The following DISP1 variants were observed in gnomAD, a reference collection of about 807,000 sequenced individuals.
The protein encoded by DISP1 is dispatched RND transporter family member 1, also known as protein dispatched homolog 1.
DISP1 carries 30 observed loss-of-function variants against 37.3 expected under a neutral mutation model. The observed-to-expected ratio is 0.80, with a 90% CI of 0.60 to 1.09. DISP1 has a LOEUF of 1.09. DISP1 is among the 50% of genes least tolerant of loss of function. The probability of loss-of-function intolerance (pLI) is 0.00; values close to 1 mark genes in which losing one functional copy is unlikely to be tolerated. For missense variants in DISP1, 1,598 were observed against 1,879.5 expected (o/e 0.85, Z 2.77); for synonymous variants, 634 against 690.2 (o/e 0.92, Z 1.28).
At chr1:223,002,265 T>C (rs1345441534) in intron 8 of DISP1, 120 bp from the exon 9 acceptor site, 4 of 967,072 alleles carry the variant, frequency 4.1e-6, no homozygotes, top group Admixed American at 1.7e-5. Flanking sequence ...AAGTGGATAA[T>C]TATTTAGCTT....
chr1:222,917,438 A>T (rs1672557133), intron 1 of DISP1, among the ~76,000 whole-genome samples: 1 of 152,148 alleles, frequency 6.6e-6, no homozygotes, highest in Non-Finnish European at 1.5e-5. Flanking sequence ...GACTGACCAG[A>T]CGAACAAGAA....
rs1197987732 is a variant in DISP1, at chr1:223,003,610, T to G, written c.2213T>G (p.Ile738Arg). 6.2e-7 allele frequency: 1 copy of G among 1,614,220 alleles called. No homozygotes were observed. The highest frequency in any genetic ancestry group is 8.5e-7 in the Non-Finnish European group (1 of 1,180,056). The change falls in exon 9 of 9, where the codon ATA becomes AGA. Residue 738 changes from isoleucine to arginine, a missense_variant. Coordinates refer to ENST00000675850, the MANE Select transcript of DISP1 (RefSeq NM_001377229.1). The surrounding 1 kb of genome is among the most constrained non-coding windows in gnomAD (Gnocchi z 4.3). ...GTAGGTGGGGCCTACATTGTATGTA[T>G]AAATCCAAAGATGAAACTGCCCTCA... ...LTVGGAYIVC[I>R]NPKMKLPSLE...
chr1:222,825,105 G>C (rs1178959531), intron 1 of DISP1, among the ~76,000 whole-genome samples: 4 of 146,044 alleles, frequency 2.7e-5, no homozygotes, highest in Non-Finnish European at 6.0e-5. Flanking sequence ...GTTGCTGCCA[G>C]TTAACAGTTC....
intron 1 of DISP1, among the ~76,000 whole-genome samples, chr1:222,901,632 G>A (rs1344407735): frequency 1.3e-5 from 2 of 152,140 alleles, no homozygotes; most frequent in East Asian, 1.9e-4. Flanking sequence ...GATTCAAGCG[G>A]TTCTCCTGCC....
At chr1:222,987,247 T>C (rs1485318472) in intron 4 of DISP1, among the ~76,000 whole-genome samples, 1 of 152,204 alleles carries the variant, frequency 6.6e-6, no homozygotes, top group Admixed American at 6.5e-5. Flanking sequence ...TATATTTGCA[T>C]AGATAGCAGG....
intron 3 of DISP1, among the ~76,000 whole-genome samples, chr1:222,978,240 T>C (rs949618719): frequency 1.3e-5 from 2 of 152,184 alleles, no homozygotes; most frequent in African/African-American, 2.4e-5. Context: ...GGTATCTCGT[T>C]GTGGTTTTGA....
chr1:222,894,422 G>A (rs916447833), intron 1 of DISP1, among the ~76,000 whole-genome samples: 1 of 152,264 alleles, frequency 6.6e-6, no homozygotes, highest in Non-Finnish European at 1.5e-5. Flanking sequence ...AAGTCCAGAG[G>A]GGACTGAGGC....
chr1:222,984,739 T>A (rs995875703), intron 4 of DISP1, among the ~76,000 whole-genome samples: 2 of 150,670 alleles, frequency 1.3e-5, no homozygotes, highest in East Asian at 3.9e-4. Context: ...TTTCCAAAAC[T>A]TTTTTTCTGT....
At chr1:222,860,896 A>C (rs1440188917) in intron 1 of DISP1, among the ~76,000 whole-genome samples, 1 of 152,076 alleles carries the variant, frequency 6.6e-6, no homozygotes, top group Non-Finnish European at 1.5e-5. Flanking sequence ...AACAAACAAA[A>C]AAAAGAAAGT....
chr1:222,959,100 A>G (rs1308852624), intron 3 of DISP1, among the ~76,000 whole-genome samples: 1 of 152,168 alleles, frequency 6.6e-6, no homozygotes, highest in Admixed American at 6.5e-5. Flanking sequence ...CGTGACTATA[A>G]ATTTTCCAAA....
At chr1:222,843,405 A>C (rs1667719176) in intron 1 of DISP1, among the ~76,000 whole-genome samples, 1 of 152,032 alleles carries the variant, frequency 6.6e-6, no homozygotes, top group Non-Finnish European at 1.5e-5. Context: ...TCTTATTTAC[A>C]CTGTTTGCTT....
intron 1 of DISP1, among the ~76,000 whole-genome samples, chr1:222,834,966 A>G (rs1666683245): frequency 6.6e-6 from 1 of 152,208 alleles, no homozygotes; most frequent in Admixed American, 6.5e-5. Flanking sequence ...GGTGGGTATT[A>G]TTATTTTTTG....
chr1:222,986,755 G>A (rs1169857282), intron 4 of DISP1, among the ~76,000 whole-genome samples: 1 of 152,182 alleles, frequency 6.6e-6, no homozygotes, highest in Non-Finnish European at 1.5e-5. Context: ...GCAGTGCCCT[G>A]TAAAGAGTTG....
chr1:222,945,287 C>T (rs115811567), intron 3 of DISP1, among the ~76,000 whole-genome samples: 43 of 152,150 alleles, frequency 2.8e-4, no homozygotes, highest in Non-Finnish European at 5.7e-4. Context: ...CCACATTTAC[C>T]AAAGCCATTT....
In DISP1 at chr1:223,004,181, G is replaced by C; in HGVS notation, c.2784G>C (p.Gln928His). Reference protein sequence around the residue: ...DTIRAVVLEFQSTYLFTLAYE... With the variant: ...DTIRAVVLEFHSTYLFTLAYE... ...TCAGGGCAGTGGTGTTAGAGTTCCA[G>C]AGTACCTACCTCTTCACACTGGCTT... is the stretch of plus-strand genomic sequence containing the variant. Residue 928 changes from glutamine to histidine, a missense_variant, in exon 9 of 9, where the codon CAG becomes CAC. Gln to His is a conservative substitution (Grantham distance 24, BLOSUM62 0). Coordinates refer to ENST00000675850, the MANE Select transcript of DISP1 (RefSeq NM_001377229.1). This position sits in a 1 kb window ranked among gnomAD's most constrained non-coding sequence, Gnocchi z 4.9. 6.2e-7 allele frequency: 1 copy of C among 1,614,162 alleles called. No homozygotes were observed. The highest frequency in any genetic ancestry group is 2.2e-5 in the East Asian group (1 of 44,876).
In DISP1 at chr1:223,002,657, G is replaced by A. The variant is rs1679548806; in HGVS notation, c.1260G>A (p.Lys420=). 6.8e-6 allele frequency: 11 copies of A among 1,614,068 alleles called. No individual in the cohort carries two copies. Among genetic ancestry groups the A allele is most frequent in the Non-Finnish European group, 8.5e-6 (10 of 1,180,060 alleles). The part of the protein sequence containing the change: ...KCTNVPRKCT[K]YNAVYQILHY... ...CCAATGTGCCACGCAAATGTACCAAGTACAATGCTGTGTACCAGATCCTCC... is the reference window on the plus strand; with the variant it reads ...CCAATGTGCCACGCAAATGTACCAAATACAATGCTGTGTACCAGATCCTCC... Residue 420 remains lysine (K), a synonymous_variant, in exon 9 of 9, where the codon AAG becomes AAA. Transcript: ENST00000675850.
At chr1:222,944,552 G>T (rs549157069) in intron 3 of DISP1, among the ~76,000 whole-genome samples, 118 of 152,276 alleles carry the variant, frequency 7.7e-4, no homozygotes, top group African/African-American at 2.8e-3. Context: ...GTTGACAAAC[G>T]TATACAAAAG....
Position 222,864,336 on chromosome 1 carries a change from T to C in DISP1, c.-159+49258T>C, listed in dbSNP as rs1377529132. Among the ~76,000 whole-genome samples the C allele has an allele frequency of 2.0e-5, 3 of 152,366 alleles. No homozygotes were observed. The East Asian group carries it at 5.8e-4, about 29-fold the overall frequency. On this transcript the variant is annotated intron_variant, in intron 1 of 8. Coordinates refer to ENST00000675850, the MANE Select transcript of DISP1 (RefSeq NM_001377229.1). Reference sequence around the variant, plus strand: ...ATACATAGTTATGGCATTATCTCAGTATATATTCTCACTGCTGTGACCAAT... The same window carrying C: ...ATACATAGTTATGGCATTATCTCAGCATATATTCTCACTGCTGTGACCAAT...
chr1:222,851,061 ATTTTTTTTTTT>A (rs971721526), intron 1 of DISP1, among the ~76,000 whole-genome samples: 31 of 127,358 alleles, frequency 2.4e-4, no homozygotes, highest in African/African-American at 8.7e-4. Flanking sequence ...TGCATTTTTA[ATTTTTTTTTTT>A]TTTTTTTTTT....
Sources: allele counts gnomAD v4.1 joint callset (sites outside exome capture counted in the v4.1 genomes callset), GRCh38; gene constraint gnomAD v4.1.1; non-coding constraint Gnocchi (gnomAD v3.1); transcripts MANE v1.5; gene names NCBI Gene and HGNC (gene_info 2026-07-23, HGNC 2026-07-21).